Variants in CSMD1 observed in about 807,000 individuals in gnomAD.
CSMD1 encodes CUB and sushi domain-containing protein 1.
CSMD1 carries 213 observed loss-of-function variants against 417.5 expected under a neutral mutation model. The observed-to-expected ratio is 0.51, with a 90% CI of 0.46 to 0.57. The LOEUF is 0.57. Among genes scored for constraint, CSMD1 ranks in the 20% least tolerant of loss-of-function variants. The probability of loss-of-function intolerance (pLI) is 0.00; values close to 1 mark genes in which losing one functional copy is unlikely to be tolerated. For synonymous variants in CSMD1, 2,862 were observed against 1,736.8 expected (o/e 1.65, Z -16.11); for missense variants, 6,923 against 4,529.7 (o/e 1.53, Z -15.17).
chr8:4,027,710 T>C (rs1318241087), intron 4 of CSMD1, among the ~76,000 whole-genome samples: 7 of 152,096 alleles, frequency 4.6e-5, no homozygotes, highest in Admixed American at 2.0e-4. Context: ...ATTTTAGACA[T>C]GGGGGCCCAT....
At chr8:3,205,673 A>T in intron 30 of CSMD1, 53 bp from the exon 31 acceptor site, 1 of 816,658 alleles carries the variant, frequency 1.2e-6, no homozygotes, top group Admixed American at 2.7e-5. Context: ...AGCGCAGGTG[A>T]TAGGTGAGCC....
At chr8:4,187,125 C>T (rs1210115607) in intron 3 of CSMD1, among the ~76,000 whole-genome samples, 1 of 147,290 alleles carries the variant, frequency 6.8e-6, no homozygotes, top group African/African-American at 2.5e-5. Flanking sequence ...ACCAAGTCTC[C>T]ACTCTGTTAA....
chr8:3,693,642 A>T (rs1563279562), intron 7 of CSMD1, among the ~76,000 whole-genome samples: 1 of 152,252 alleles, frequency 6.6e-6, no homozygotes, highest in Non-Finnish European at 1.5e-5. Flanking sequence ...ATAAATGTGT[A>T]CATATATGTA....
At chr8:4,293,869 T>C (rs987672145) in intron 3 of CSMD1, among the ~76,000 whole-genome samples, 1 of 152,192 alleles carries the variant, frequency 6.6e-6, no homozygotes, top group African/African-American at 2.4e-5. Flanking sequence ...TTTGACTCAG[T>C]GGTGAGACCA....
chr8:3,464,446 G>T (rs1021471138), intron 12 of CSMD1, among the ~76,000 whole-genome samples: 55 of 152,040 alleles, frequency 3.6e-4, no homozygotes, highest in African/African-American at 1.3e-3. Context: ...ACAATCAGTT[G>T]CTATGAGATA....
chr8:3,074,457 C>T (rs1416614376), intron 49 of CSMD1, among the ~76,000 whole-genome samples: 5 of 152,208 alleles, frequency 3.3e-5, no homozygotes, highest in African/African-American at 1.2e-4. Context: ...AGGATTCTAC[C>T]TTCACCAGGC....
At chr8:4,555,088 T>C (rs2130584354) in intron 2 of CSMD1, among the ~76,000 whole-genome samples, 1 of 152,344 alleles carries the variant, frequency 6.6e-6, no homozygotes, top group East Asian at 1.9e-4. Flanking sequence ...ATTTAGCTAT[T>C]TATTTTTAGG....
intron 3 of CSMD1, among the ~76,000 whole-genome samples, chr8:4,324,919 T>A (rs1799471115): frequency 6.6e-6 from 1 of 152,154 alleles, no homozygotes; most frequent in South Asian, 2.1e-4. Context: ...ATTCTAGGTA[T>A]GGGGCCTCTT....
At chr8:3,485,864 C>G (rs1368567776) in intron 11 of CSMD1, among the ~76,000 whole-genome samples, 2 of 151,526 alleles carry the variant, frequency 1.3e-5, no homozygotes, top group Non-Finnish European at 2.9e-5. Flanking sequence ...ATCAGTGGAT[C>G]ATATCAAGGT....
At chr8:4,365,917 T>G (rs534467383) in intron 3 of CSMD1, among the ~76,000 whole-genome samples, 20 of 152,342 alleles carry the variant, frequency 1.3e-4, no homozygotes, top group African/African-American at 4.8e-4. Context: ...AAAGTTTTAT[T>G]ATTTTTTTCT....
At chr8:3,199,499 A>T (rs1480872087) in intron 33 of CSMD1, among the ~76,000 whole-genome samples, 2 of 152,178 alleles carry the variant, frequency 1.3e-5, no homozygotes, top group African/African-American at 4.8e-5. Context: ...ATTAGATATT[A>T]TTGTGTTTTT....
chr8:3,408,278 G>T, intron 13 of CSMD1, 53 bp from the exon 14 acceptor site: 2 of 1,401,638 alleles, frequency 1.4e-6, no homozygotes, highest in Non-Finnish European at 9.7e-7. Flanking sequence ...CCAAAGAATT[G>T]CCATGTGAAA....
intron 1 of CSMD1, among the ~76,000 whole-genome samples, chr8:4,858,905 G>GA (rs1288006152): frequency 6.6e-6 from 1 of 150,492 alleles, no homozygotes; most frequent in Non-Finnish European, 1.5e-5. Flanking sequence ...CACAGAATTG[G>GA]AAAAAACTAC....
At chr8:4,375,759 G>A (rs1199356006) in intron 3 of CSMD1, among the ~76,000 whole-genome samples, 1 of 152,116 alleles carries the variant, frequency 6.6e-6, no homozygotes, top group Non-Finnish European at 1.5e-5. Context: ...GCCCTGCCCT[G>A]TCTTTGTACA....
intron 40 of CSMD1, 135 bp from the exon 41 acceptor site, chr8:3,142,809 C>A: frequency 2.5e-6 from 2 of 788,400 alleles, no homozygotes; most frequent in South Asian, 1.7e-5. Flanking sequence ...CCGTGGAGGA[C>A]GGCATTCACT....
chr8:4,900,570 C>T (rs544792604), intron 1 of CSMD1, among the ~76,000 whole-genome samples: 67 of 152,256 alleles, frequency 4.4e-4, no homozygotes, highest in African/African-American at 1.6e-3. Context: ...CTCCCAGTGC[C>T]ACCTTTCTGG....
intron 1 of CSMD1, among the ~76,000 whole-genome samples, chr8:4,778,844 G>C (rs1432416161): frequency 1.3e-5 from 2 of 152,182 alleles, no homozygotes; most frequent in Admixed American, 1.3e-4. Flanking sequence ...AAGTCAGATA[G>C]TATTTACTTT....
chr8:4,207,654 C>T (rs947603081), intron 3 of CSMD1, among the ~76,000 whole-genome samples: 1 of 151,954 alleles, frequency 6.6e-6, no homozygotes, highest in Non-Finnish European at 1.5e-5. Flanking sequence ...TTTATGTATT[C>T]CTACATAAAT....
At chr8:4,216,735 G>A (rs1172226672) in intron 3 of CSMD1, among the ~76,000 whole-genome samples, 1 of 152,170 alleles carries the variant, frequency 6.6e-6, no homozygotes, top group Non-Finnish European at 1.5e-5. Flanking sequence ...GAATGGAGAT[G>A]TTTTAAGACC....
Sources: gnomAD v4.1 joint callset for allele counts (sites outside exome capture counted in the v4.1 genomes callset) on GRCh38, gnomAD v4.1.1 for gene constraint, MANE v1.5 for transcripts, NCBI Gene and HGNC (gene_info 2026-07-23, HGNC 2026-07-21) for gene names.